RCHY1: variants seen among roughly 807,000 people sequenced by gnomAD.
RCHY1 encodes the protein ring finger and CHY zinc finger domain containing 1.
In RCHY1, 21 loss-of-function variants were observed where a neutral mutation model predicts 41.6. That is an observed-to-expected ratio of 0.51 (90% CI 0.36 to 0.73). RCHY1 has a LOEUF of 0.73. Among genes scored for constraint, RCHY1 ranks in the 30% least tolerant of loss-of-function variants. The pLI, the probability that RCHY1 is intolerant of heterozygous loss-of-function variation, is 0.00. For missense variants in RCHY1, 265 were observed against 325.3 expected (o/e 0.81, Z 1.43); for synonymous variants, 79 against 102.9 (o/e 0.77, Z 1.41).
intron 3 of RCHY1, among the ~76,000 whole-genome samples, chr4:75,500,260 T>C (rs1002681918): frequency 1.3e-5 from 2 of 152,202 alleles, no homozygotes; most frequent in Non-Finnish European, 2.9e-5. Flanking sequence ...TCAATACAAA[T>C]AAGGATAATC....
intron 8 of RCHY1, among the ~76,000 whole-genome samples, chr4:75,486,352 C>T (rs1722003001): frequency 6.6e-6 from 1 of 151,942 alleles, no homozygotes; most frequent in African/African-American, 2.4e-5. Flanking sequence ...AATCATAAAA[C>T]TTTTAAGTCA....
At chr4:75,487,694 T>TATATATATTCATAATATATATTCATAG (rs1319256331) in intron 8 of RCHY1, among the ~76,000 whole-genome samples, 1 of 83,188 alleles carries the variant, frequency 1.2e-5, no homozygotes, top group African/African-American at 5.9e-5. Flanking sequence ...TATATATTCA[T>TATATATATTCATAATATATATTCATAG]ATATATATTC....
intron 1 of RCHY1, among the ~76,000 whole-genome samples, chr4:75,512,181 G>A (rs574958195): frequency 2.0e-5 from 3 of 152,246 alleles, no homozygotes; most frequent in African/African-American, 7.2e-5. Flanking sequence ...TTACTACCAC[G>A]TTTCCCTGGT....
chr4:75,487,345 G>A (rs1419762004), intron 8 of RCHY1, among the ~76,000 whole-genome samples: 1 of 150,308 alleles, frequency 6.7e-6, no homozygotes, highest in Non-Finnish European at 1.5e-5. Context: ...GCTGTCTCAG[G>A]ACTTTTAATT....
chr4:75,509,663 T>C (rs6816603), intron 1 of RCHY1: 120,234 of 179,574 alleles, frequency 0.67, 41,583 homozygotes, highest in African/African-American at 0.87. Context: ...GGGAGGGACT[T>C]AGAAGGAGGT....
chr4:75,506,241 A>C (rs1317818878), intron 3 of RCHY1, among the ~76,000 whole-genome samples: 5 of 151,964 alleles, frequency 3.3e-5, no homozygotes, highest in Admixed American at 6.5e-5. Context: ...TTCTCTCTGA[A>C]AAAAAAATAG....
rs1273354200 is a variant in RCHY1 at position 75,479,694 on chromosome 4, C to CA, written c.*2843dup. The CA allele has an allele frequency of 6.6e-6, 1 of 151,664 alleles. No homozygotes were observed. Among genetic ancestry groups the CA allele is most frequent in the Non-Finnish European group, 1.5e-5 (1 of 67,892 alleles). 9.4% of individuals were successfully genotyped at this position (151,664 alleles called of 1,614,324 possible). A position where few individuals can be genotyped will look rare whatever the true frequency, so the allele number is the denominator to read the frequency against. On this transcript the variant is annotated 3_prime_UTR_variant, in exon 9 of 9. Coordinates refer to ENST00000324439, the MANE Select transcript of RCHY1 (RefSeq NM_015436.4). ...TAAAAGAAGCTGAGATGCTATGCAC[C>CA]AAAAAATTCGTAAGGGTATTGTTAT...
Position 75,481,720 on chromosome 4 carries a change from T to C in RCHY1, c.*818A>G, listed in dbSNP as rs1287017364. ...ATTGTTCACTGTTGTCTCTACAGCA[T>C]CTAGAAACATATCTGCCACATAGCA... On this transcript the variant is annotated 3_prime_UTR_variant, in exon 9 of 9. Coordinates refer to ENST00000324439, the MANE Select transcript of RCHY1 (RefSeq NM_015436.4). The C allele has an allele frequency of 1.3e-5, 2 of 152,324 alleles. No homozygotes were observed. The highest frequency in any genetic ancestry group is 2.9e-5 in the Non-Finnish European group (2 of 68,024). 9.4% of individuals were successfully genotyped at this position (152,324 alleles called of 1,614,324 possible).
At chr4:75,497,908 G>C (rs1284412174) in intron 3 of RCHY1, among the ~76,000 whole-genome samples, 2 of 151,406 alleles carry the variant, frequency 1.3e-5, no homozygotes, top group African/African-American at 4.8e-5. Flanking sequence ...TATTTTGAAA[G>C]AAAGAAAAGA....
intron 8 of RCHY1, among the ~76,000 whole-genome samples, chr4:75,485,294 T>C (rs1721897660): frequency 6.6e-6 from 1 of 152,240 alleles, no homozygotes; most frequent in Non-Finnish European, 1.5e-5. Context: ...TCAGTAATTT[T>C]AGCTAAGAAA....
intron 3 of RCHY1, among the ~76,000 whole-genome samples, chr4:75,495,934 T>C (rs1419905337): frequency 6.6e-6 from 1 of 152,170 alleles, no homozygotes; most frequent in Non-Finnish European, 1.5e-5. Context: ...TATTCGTCTA[T>C]TCCTGCACAA....
intron 8 of RCHY1, among the ~76,000 whole-genome samples, chr4:75,488,227 G>A (rs1189369965): frequency 6.6e-6 from 1 of 151,878 alleles, no homozygotes; most frequent in Non-Finnish European, 1.5e-5. Flanking sequence ...TATGGTTACT[G>A]TGTTATTGCA....
At chr4:75,500,974 ATATATT>A (rs1458786657) in intron 3 of RCHY1, among the ~76,000 whole-genome samples, 22 of 152,088 alleles carry the variant, frequency 1.4e-4, no homozygotes, top group Admixed American at 1.2e-3. Flanking sequence ...TTTCTCAAAT[ATATATT>A]TATAATTTTT....
upstream of RCHY1, chr4:75,514,500 T>C: frequency 1.9e-6 from 1 of 525,056 alleles, no homozygotes; most frequent in Middle Eastern, 5.2e-4. Flanking sequence ...TTGACGTTAG[T>C]CGCAGTCTTC....
upstream of RCHY1, chr4:75,514,506 T>C: frequency 1.9e-6 from 1 of 520,798 alleles, no homozygotes; most frequent in Non-Finnish European, 3.5e-6. Context: ...TTAGTCGCAG[T>C]CTTCGCTGCT....
At chr4:75,505,908 A>G (rs1292580944) in intron 3 of RCHY1, among the ~76,000 whole-genome samples, 2 of 152,102 alleles carry the variant, frequency 1.3e-5, no homozygotes, top group Admixed American at 6.5e-5. Context: ...TGCTGTGACA[A>G]GCTAAGAAAC....
At chr4:75,509,089 A>G (rs1724609395) in intron 2 of RCHY1, 88 bp downstream of exon 2, 1 of 1,350,902 alleles carries the variant, frequency 7.4e-7, no homozygotes, top group African/African-American at 1.5e-5. Context: ...AGTTAAAGAA[A>G]TCTTATTTAT....
chr4:75,483,502 T>C (rs1721710517), intron 8 of RCHY1, among the ~76,000 whole-genome samples: 1 of 152,184 alleles, frequency 6.6e-6, no homozygotes, highest in African/African-American at 2.4e-5. Context: ...AAAAATGTTC[T>C]AAAATTGTGG....
At chr4:75,492,879 TTTC>T (rs1245054096) in intron 4 of RCHY1, among the ~76,000 whole-genome samples, 1 of 151,954 alleles carries the variant, frequency 6.6e-6, no homozygotes, top group Non-Finnish European at 1.5e-5. Flanking sequence ...AGTCTTAACG[TTTC>T]TTATTTATAA....
Sources: gnomAD v4.1 joint callset for allele counts (sites outside exome capture counted in the v4.1 genomes callset) on GRCh38, gnomAD v4.1.1 for gene constraint, MANE v1.5 for transcripts, NCBI Gene and HGNC (gene_info 2026-07-23, HGNC 2026-07-21) for gene names.